MSANTD5: variants seen among roughly 807,000 people sequenced by gnomAD.
MSANTD5 encodes Myb/SANT DNA binding domain containing 5, also known as uncharacterized protein MSANTD5.
chr5:178,693,751 A>C (rs1462818331), downstream of MSANTD5, among the ~76,000 whole-genome samples: 2 of 151,910 alleles, frequency 1.3e-5, no homozygotes, highest in African/African-American at 4.8e-5. Context: ...TTTTTATAGA[A>C]TGCTGATTGG....
At chr5:178,705,733 G>GTCA in the MSANTD5 span, among the ~76,000 whole-genome samples, 1 of 151,998 alleles carries the variant, frequency 6.6e-6, no homozygotes, top group African/African-American at 2.4e-5. Context: ...CGAGGCGGGA[G>GTCA]GATCACGAGG....
intron 1 of MSANTD5, among the ~76,000 whole-genome samples, chr5:178,696,694 G>C (rs530794672): frequency 1.3e-5 from 2 of 152,204 alleles, no homozygotes; most frequent in Admixed American, 1.3e-4. Context: ...GGAGCAGGGA[G>C]AGGGAAATCA....
At chr5:178,702,044 A>T (rs1014476106), upstream of MSANTD5, among the ~76,000 whole-genome samples, 7 of 150,170 alleles carry the variant, frequency 4.7e-5, no homozygotes, top group African/African-American at 7.3e-5. Flanking sequence ...AATATTTTTT[A>T]AAATAATAAA....
At chr5:178,692,072 T>TAAAAA (rs58907781), downstream of MSANTD5, among the ~76,000 whole-genome samples, 1 of 91,182 alleles carries the variant, frequency 1.1e-5, no homozygotes, top group African/African-American at 3.9e-5. Flanking sequence ...TGGCAGTTTC[T>TAAAAA]AAAAAAAAAA....
the MSANTD5 span, among the ~76,000 whole-genome samples, chr5:178,705,298 G>A: frequency 2.0e-5 from 3 of 151,832 alleles, no homozygotes; most frequent in Admixed American, 6.6e-5. Context: ...TGCCCGCCTC[G>A]GTCTCCCAAA....
the MSANTD5 span, among the ~76,000 whole-genome samples, chr5:178,706,086 A>C: frequency 6.6e-6 from 1 of 152,322 alleles, no homozygotes; most frequent in East Asian, 1.9e-4. Context: ...GTGTAACTGT[A>C]GAGTTAGCTG....
At chr5:178,691,989 G>T (rs1268305905), downstream of MSANTD5, among the ~76,000 whole-genome samples, 1 of 131,008 alleles carries the variant, frequency 7.6e-6, no homozygotes, top group East Asian at 2.0e-4. Flanking sequence ...TGCTGGTGAG[G>T]ATATGGAGAA....
At chr5:178,693,091 C>A (rs113225743), downstream of MSANTD5, among the ~76,000 whole-genome samples, 208 of 152,066 alleles carry the variant, frequency 1.4e-3, 2 homozygotes, top group African/African-American at 4.5e-3. Flanking sequence ...GGGCGGATCA[C>A]CTGAGGTCGG....
chr5:178,705,974 G>A, the MSANTD5 span, among the ~76,000 whole-genome samples: 1 of 152,048 alleles, frequency 6.6e-6, no homozygotes, highest in Non-Finnish European at 1.5e-5. Context: ...AACAAAAAAA[G>A]AGGTTGTCTT....
chr5:178,698,944 T>C (rs2113855793), upstream of MSANTD5, among the ~76,000 whole-genome samples: 2 of 152,038 alleles, frequency 1.3e-5, no homozygotes, highest in East Asian at 3.9e-4. Context: ...TAATCTTTGC[T>C]TCTTTCCATG....
the MSANTD5 span, among the ~76,000 whole-genome samples, chr5:178,704,988 A>G: frequency 2.6e-5 from 4 of 152,066 alleles, no homozygotes; most frequent in Admixed American, 2.6e-4. Context: ...GCCAGCCCCA[A>G]TGTCAAGGAA....
At chr5:178,691,921 C>T (rs1019275326), downstream of MSANTD5, among the ~76,000 whole-genome samples, 3 of 134,752 alleles carry the variant, frequency 2.2e-5, no homozygotes, top group East Asian at 1.9e-4. Context: ...AGGCCCTCTG[C>T]GATGGACACT....
At chr5:178,699,315 G>T (rs1307241798), upstream of MSANTD5, among the ~76,000 whole-genome samples, 2 of 152,068 alleles carry the variant, frequency 1.3e-5, no homozygotes, top group Non-Finnish European at 2.9e-5. Flanking sequence ...TGCTATAAAT[G>T]GCAACTGTAT....
At chr5:178,699,937 T>TCTAAGGGGGACCCTGCTTG (rs58269048), upstream of MSANTD5, among the ~76,000 whole-genome samples, 1 of 146,788 alleles carries the variant, frequency 6.8e-6, no homozygotes, top group Non-Finnish European at 1.5e-5. Flanking sequence ...TTCTGTGGCT[T>TCTAAGGGGGACCCTGCTTG]TCCAGCACAG....
upstream of MSANTD5, among the ~76,000 whole-genome samples, chr5:178,700,585 T>G (rs1765466465): frequency 1.4e-5 from 1 of 69,626 alleles, no homozygotes; most frequent in Non-Finnish European, 3.7e-5. Flanking sequence ...AGATTAGAAC[T>G]GCCAGGCTTC....
chr5:178,701,229 G>A (rs549777077), upstream of MSANTD5, among the ~76,000 whole-genome samples: 6 of 152,046 alleles, frequency 3.9e-5, no homozygotes, highest in African/African-American at 9.6e-5. Flanking sequence ...TGCCCTCCTC[G>A]GCCTCCCAAA....
intron 1 of MSANTD5, among the ~76,000 whole-genome samples, chr5:178,697,370 C>T (rs866903409): frequency 5.9e-5 from 9 of 152,086 alleles, no homozygotes; most frequent in Admixed American, 2.0e-4. Flanking sequence ...AGGAGAATGG[C>T]CTGAACCCGG....
chr5:178,694,741 G>A (rs1765392933), exon 4 of MSANTD5: 1 of 152,130 alleles, frequency 6.6e-6, no homozygotes, highest in Non-Finnish European at 1.5e-5. Flanking sequence ...TGTGTCAGGG[G>A]GCCTGGGGCT....
the MSANTD5 span, among the ~76,000 whole-genome samples, chr5:178,705,562 A>G: frequency 6.6e-6 from 1 of 152,208 alleles, no homozygotes; most frequent in African/African-American, 2.4e-5. Context: ...GGCAGCGCCT[A>G]ATCCAGGGTT....
Sources: allele counts gnomAD v4.1 joint callset (sites outside exome capture counted in the v4.1 genomes callset), GRCh38; gene constraint gnomAD v4.1.1; transcripts MANE v1.5; gene names NCBI Gene and HGNC (gene_info 2026-07-23, HGNC 2026-07-21).